SUPT6H: variants seen among roughly 807,000 people sequenced by gnomAD.
SUPT6H encodes transcription elongation factor SPT6.
SUPT6H carries 11 observed loss-of-function variants against 222.3 expected under a neutral mutation model. The ratio of observed to expected loss-of-function variants is 0.05; its 90% confidence interval spans 0.03 to 0.08. SUPT6H has a LOEUF of 0.08. Ranked by LOEUF, SUPT6H falls within the 10% of genes least tolerant of loss-of-function variation. The probability of loss-of-function intolerance (pLI) is 1.00; values close to 1 mark genes in which losing one functional copy is unlikely to be tolerated. For synonymous variants in SUPT6H, 762 were observed against 801.2 expected, an observed-to-expected ratio of 0.95 and a Z score of 0.83; for missense variants, 1,422 against 2,216.0, an observed-to-expected ratio of 0.64 and a Z score of 7.19.
chr17:28,678,431 T>C (rs1473449302), intron 9 of SUPT6H, 114 bp from the exon 10 acceptor site: 3 of 1,104,174 alleles, frequency 2.7e-6, no homozygotes, highest in Non-Finnish European at 4.1e-6. Flanking sequence ...GAGGCCAGGC[T>C]TCTGACTGTT....
intron 27 of SUPT6H, among the ~76,000 whole-genome samples, chr17:28,692,508 C>T (rs138139492): frequency 3.4e-5 from 5 of 145,804 alleles, no homozygotes; most frequent in African/African-American, 1.3e-4. Flanking sequence ...TGGTGAGACT[C>T]CTATCTCAAA....
In SUPT6H at chr17:28,684,734, C is replaced by T. The variant is rs1325871468; in HGVS notation, c.2369+9C>T. On this transcript the variant is annotated intron_variant, in intron 18 of 36. Coordinates refer to ENST00000314616, the MANE Select transcript of SUPT6H (RefSeq NM_003170.5). ...GCTTTCTCCTCTGCCAGGTAACAGC[C>T]TATTTTTGCCTCCCCAGCACCATCT... 29 of 1,614,006 alleles carry T rather than the reference C, an allele frequency of 1.8e-5. No individual in the cohort carries two copies. Among genetic ancestry groups the T allele is most frequent in the Non-Finnish European group, 2.2e-5 (26 of 1,179,970 alleles).
intron 1 of SUPT6H, among the ~76,000 whole-genome samples, chr17:28,665,030 C>G (rs914009555): frequency 3.3e-5 from 5 of 152,226 alleles, no homozygotes; most frequent in African/African-American, 1.2e-4. Flanking sequence ...GGTTTCCACT[C>G]AGATCTTCCT....
At chr17:28,686,450 C>T (rs16964503) in intron 20 of SUPT6H, 35 bp downstream of exon 20, 151,454 of 1,602,880 alleles carry the variant, frequency 0.094, 7,766 homozygotes, top group South Asian at 0.15. Context: ...GGTTTAAGGC[C>T]GTGACCCAAC....
chr17:28,691,164 C>G (rs912178320), intron 27 of SUPT6H, 101 bp downstream of exon 27: 21 of 1,423,524 alleles, frequency 1.5e-5, no homozygotes, highest in East Asian at 5.0e-5. Context: ...ATCATTCTCT[C>G]ACCAAACAAG....
rs1446574627 is a variant in SUPT6H, at chr17:28,699,877, C to T, written c.4545C>T (p.Tyr1515=). ...NGLFRWFKDH[Y]QDPVPGITPS... is the part of the protein sequence containing the mutation. Reference sequence around the variant, plus strand: ...TGTTTAGATGGTTTAAGGATCACTACCAGGATCCTGTACCAGGTGAGTTCT... The same window carrying T: ...TGTTTAGATGGTTTAAGGATCACTATCAGGATCCTGTACCAGGTGAGTTCT... The change falls in exon 33 of 37, where the codon TAC becomes TAT. Residue 1515 remains tyrosine (Y), a synonymous_variant. Transcript: ENST00000314616. The T allele has an allele frequency of 3.7e-6, 6 of 1,613,342 alleles. No individual in the cohort carries two copies. The highest frequency in any genetic ancestry group is 5.1e-6 in the Non-Finnish European group (6 of 1,179,384).
chr17:28,695,273 T>C (rs1179625390), intron 28 of SUPT6H, 79 bp from the exon 29 acceptor site: 4 of 1,452,894 alleles, frequency 2.8e-6, no homozygotes, highest in Non-Finnish European at 3.7e-6. Context: ...TGCCTGGACT[T>C]TGGTTTTCTC....
At chr17:28,684,483 C>T in intron 17 of SUPT6H, 103 bp from the exon 18 acceptor site, 1 of 1,415,016 alleles carries the variant, frequency 7.1e-7, no homozygotes, top group South Asian at 1.3e-5. Flanking sequence ...AGAGTACACA[C>T]CCTCGCACAT....
intron 16 of SUPT6H, 27 bp downstream of exon 16, chr17:28,683,449 C>G (rs745350285): frequency 3.1e-6 from 5 of 1,612,472 alleles, no homozygotes; most frequent in Admixed American, 1.7e-5. Flanking sequence ...GCTGGCGACT[C>G]TCTGGGGAAG....
intron 1 of SUPT6H, among the ~76,000 whole-genome samples, chr17:28,663,828 A>ATTTGTTTTTTTTTTTTTTTTTT (rs2072113692): frequency 2.6e-5 from 1 of 38,374 alleles, no homozygotes; most frequent in Non-Finnish European, 4.7e-5. Context: ...TGCCCACTCC[A>ATTTGTTTTTTTTTTTTTTTTTT]TTTTTTTTTT....
chr17:28,675,307 T>G (rs987715023), intron 5 of SUPT6H, 94 bp from the exon 6 acceptor site: 4 of 1,504,112 alleles, frequency 2.7e-6, no homozygotes, highest in Non-Finnish European at 3.7e-6. Flanking sequence ...CCCTTCTCTG[T>G]TGCTCACTGG....
chr17:28,664,836 G>T (rs961783395), intron 1 of SUPT6H, among the ~76,000 whole-genome samples: 2 of 152,198 alleles, frequency 1.3e-5, no homozygotes, highest in African/African-American at 4.8e-5. Flanking sequence ...AGACCTCTGA[G>T]AATCATCTTT....
intron 6 of SUPT6H, 21 bp downstream of exon 6, chr17:28,675,506 G>A (rs779374898): frequency 6.2e-7 from 1 of 1,613,534 alleles, no homozygotes; most frequent in African/African-American, 1.3e-5. Context: ...TCTGGTACAA[G>A]GTGGGGATAA....
At chr17:28,669,618 A>G (rs2030294925) in intron 1 of SUPT6H, among the ~76,000 whole-genome samples, 1 of 152,204 alleles carries the variant, frequency 6.6e-6, no homozygotes, top group African/African-American at 2.4e-5. Context: ...AGCCTGGCTA[A>G]CATGGTGAAA....
In SUPT6H at chr17:28,701,044, A is replaced by G. The variant is rs2032108255; in HGVS notation, c.4910A>G (p.Gln1637Arg). Reference sequence around the variant, plus strand: ...CCCATCACCACCCCTCAGTACCACCAGCTCCAGGCCAGCACCACCCCACAG... The same window carrying G: ...CCCATCACCACCCCTCAGTACCACCGGCTCCAGGCCAGCACCACCCCACAG... ...SQPITTPQYHQLQASTTPQSA... is the reference protein window; with the variant it reads ...SQPITTPQYHRLQASTTPQSA... Residue 1637 changes from glutamine (Q) to arginine (R), a missense_variant, in exon 36 of 37, where the codon CAG (glutamine) becomes CGG (arginine). Gln to Arg is a conservative substitution (Grantham distance 43). This residue lies in a region of SUPT6H where 395 missense variants were observed against 580.6 expected (regional missense o/e 0.68). Coordinates refer to ENST00000314616, the MANE Select transcript of SUPT6H (RefSeq NM_003170.5). The G allele has an allele frequency of 1.2e-6, 2 of 1,613,948 alleles. No homozygotes were observed. The highest frequency in any genetic ancestry group is 1.3e-5 in the African/African-American group (1 of 74,904).
intron 1 of SUPT6H, among the ~76,000 whole-genome samples, chr17:28,667,393 AAGT>A (rs1488691758): frequency 2.7e-4 from 20 of 73,030 alleles, no homozygotes; most frequent in African/African-American, 1.0e-3. Flanking sequence ...AAAAAAAAAA[AAGT>A]GTGTGTGTGT....
At chr17:28,675,872 C>T (rs2030715889) in intron 6 of SUPT6H, among the ~76,000 whole-genome samples, 1 of 152,196 alleles carries the variant, frequency 6.6e-6, no homozygotes, top group African/African-American at 2.4e-5. Context: ...AATGCCTTAG[C>T]AGAAGATGGG....
chr17:28,662,614 C>T (rs2072077753), intron 1 of SUPT6H, among the ~76,000 whole-genome samples: 1 of 152,100 alleles, frequency 6.6e-6, no homozygotes, highest in Non-Finnish European at 1.5e-5. Context: ...CTTCTCTCCG[C>T]AGGTTTTTAA....
intron 32 of SUPT6H, among the ~76,000 whole-genome samples, chr17:28,698,641 C>G (rs944730543): frequency 2.8e-4 from 42 of 152,252 alleles, no homozygotes; most frequent in Admixed American, 3.9e-4. Flanking sequence ...GACTGGTAAT[C>G]ACACTTGCTT....
Sources: gnomAD v4.1 joint callset for allele counts (sites outside exome capture counted in the v4.1 genomes callset) on GRCh38, gnomAD v4.1.1 for gene constraint, gnomAD v4.1.1 regional missense constraint, MANE v1.5 for transcripts, NCBI Gene and HGNC (gene_info 2026-07-23, HGNC 2026-07-21) for gene names.